Variants in WASF1 observed in about 807,000 individuals in gnomAD.
WASF1 encodes the protein WASP family member 1.
A neutral mutation model predicts 50.5 loss-of-function variants in WASF1; 7 were observed. The ratio of observed to expected loss-of-function variants is 0.14; its 90% confidence interval spans 0.08 to 0.26. The LOEUF is 0.26. Among genes scored for constraint, WASF1 ranks in the 10% least tolerant of loss-of-function variants. The probability of loss-of-function intolerance (pLI) is 1.00; values close to 1 mark genes in which losing one functional copy is unlikely to be tolerated. For synonymous variants in WASF1, 205 were observed against 244.0 expected, an observed-to-expected ratio of 0.84 and a Z score of 1.49; for missense variants, 470 against 694.7, an observed-to-expected ratio of 0.68 and a Z score of 3.64.
At chr6:110,128,215 C>G (rs1466826785) in intron 3 of WASF1, among the ~76,000 whole-genome samples, 2 of 152,088 alleles carry the variant, frequency 1.3e-5, no homozygotes, top group Non-Finnish European at 2.9e-5. Flanking sequence ...ACTAGAATAT[C>G]AACATTATAC....
intron 2 of WASF1, among the ~76,000 whole-genome samples, chr6:110,174,977 A>C (rs910006541): frequency 2.0e-5 from 3 of 152,124 alleles, no homozygotes; most frequent in African/African-American, 7.2e-5. Context: ...GCAAAACAAA[A>C]CAACCAAACG....
intron 3 of WASF1, among the ~76,000 whole-genome samples, chr6:110,128,226 A>G (rs1774501342): frequency 6.6e-6 from 1 of 152,208 alleles, no homozygotes; most frequent in South Asian, 2.1e-4. Context: ...AACATTATAC[A>G]AAACGTTTTT....
At chr6:110,134,488 G>A (rs187779645) in intron 3 of WASF1, among the ~76,000 whole-genome samples, 92 of 150,914 alleles carry the variant, frequency 6.1e-4, no homozygotes, top group African/African-American at 1.9e-3. Context: ...GCGGTGGCAC[G>A]ATCTCAGCTC....
chr6:110,142,597 G>T (rs1389417625), intron 3 of WASF1, among the ~76,000 whole-genome samples: 1 of 151,570 alleles, frequency 6.6e-6, no homozygotes, highest in South Asian at 2.1e-4. Context: ...CTTTTTCATG[G>T]GATCCTTTGT....
At chr6:110,147,164 G>A (rs558924108) in intron 3 of WASF1, among the ~76,000 whole-genome samples, 14 of 152,008 alleles carry the variant, frequency 9.2e-5, no homozygotes, top group African/African-American at 2.9e-4. Flanking sequence ...TGGCTAACAC[G>A]GTGAAACCCC....
intron 3 of WASF1, among the ~76,000 whole-genome samples, chr6:110,133,722 G>A (rs1255890143): frequency 1.3e-5 from 2 of 151,232 alleles, no homozygotes; most frequent in East Asian, 3.9e-4. Context: ...ACTACTTTCT[G>A]ATGGGATTTT....
chr6:110,124,245 T>TCC (rs1562170338), intron 4 of WASF1, among the ~76,000 whole-genome samples: 21 of 39,460 alleles, frequency 5.3e-4, no homozygotes, highest in East Asian at 3.8e-3. Context: ...CCTCTCTCTC[T>TCC]CTCTCTCTCT....
chr6:110,125,902 C>A (rs1284159922), intron 4 of WASF1, among the ~76,000 whole-genome samples: 2 of 152,052 alleles, frequency 1.3e-5, no homozygotes, highest in Non-Finnish European at 2.9e-5. Flanking sequence ...CTTAAAAATT[C>A]CTTAAATTTT....
chr6:110,147,824 G>A (rs1256996976), intron 3 of WASF1, among the ~76,000 whole-genome samples: 1 of 152,140 alleles, frequency 6.6e-6, no homozygotes, highest in Non-Finnish European at 1.5e-5. Context: ...ACAACTCACT[G>A]CAGCTTCAAC....
chr6:110,120,797 C>T (rs1774077735), intron 4 of WASF1, among the ~76,000 whole-genome samples: 1 of 152,168 alleles, frequency 6.6e-6, no homozygotes, highest in African/African-American at 2.4e-5. Context: ...CACTACAAGG[C>T]TACAGTAACC....
rs1000675179 is a variant in WASF1, at chr6:110,179,533, C to T, written c.-366G>A. 1 of 152,136 alleles carries T rather than the reference C, an allele frequency of 6.6e-6. No individual in the cohort carries two copies. The highest frequency in any genetic ancestry group is 2.4e-5 in the African/African-American group (1 of 41,430). 9.4% of individuals were successfully genotyped at this position (152,136 alleles called of 1,614,324 possible). On this transcript the variant is annotated 5_prime_UTR_variant, in exon 1 of 11. Transcript: ENST00000392589. ...CTCGCGGGACTCCGCCTAGAGCCCC[C>T]AGGAGGGTCGGGCTCTGGGGCGGAA...
rs1296750864 is a variant in WASF1 at position 110,101,781 on chromosome 6, G to A, written c.1329C>T (p.Val443=). The change falls in exon 10 of 11, where the codon GTC becomes GTT. Residue 443 remains valine (V), a synonymous_variant. Coordinates refer to ENST00000392589, the MANE Select transcript of WASF1 (RefSeq NM_003931.3). The part of the protein sequence containing the change: ...PPPGIRPSSP[V]TVTALAHPPS... Reference sequence around the variant, plus strand: ...GAGGATGAGCAAGAGCTGTAACTGTGACAGGTGATGATGGTCGAATGCCAG... The same window carrying A: ...GAGGATGAGCAAGAGCTGTAACTGTAACAGGTGATGATGGTCGAATGCCAG... The A allele has an allele frequency of 1.2e-6, 2 of 1,614,128 alleles. No homozygotes were observed. Among genetic ancestry groups the A allele is most frequent in the South Asian group, 2.2e-5 (2 of 91,084 alleles).
chr6:110,148,676 T>C (rs1301717074), intron 3 of WASF1, among the ~76,000 whole-genome samples: 1 of 151,868 alleles, frequency 6.6e-6, no homozygotes, highest in Non-Finnish European at 1.5e-5. Flanking sequence ...CCTTGAAGGG[T>C]TTTAAGCAAA....
At chr6:110,132,054 C>T (rs1178860942) in intron 3 of WASF1, among the ~76,000 whole-genome samples, 3 of 152,058 alleles carry the variant, frequency 2.0e-5, no homozygotes, top group Non-Finnish European at 2.9e-5. Context: ...CCAACTACTT[C>T]AGGATTTTTA....
intron 2 of WASF1, among the ~76,000 whole-genome samples, chr6:110,161,060 CT>C (rs1776243715): frequency 6.6e-6 from 1 of 151,412 alleles, no homozygotes; most frequent in East Asian, 1.9e-4. Flanking sequence ...ACTGGAAAAT[CT>C]TTAGCTGTTA....
intron 2 of WASF1, among the ~76,000 whole-genome samples, chr6:110,166,019 G>T (rs1168376820): frequency 6.6e-6 from 1 of 151,578 alleles, no homozygotes; most frequent in African/African-American, 2.4e-5. Flanking sequence ...AATGCAGTAG[G>T]GCAAAGTTAT....
intron 3 of WASF1, among the ~76,000 whole-genome samples, chr6:110,149,203 T>C (rs1307512719): frequency 6.6e-6 from 1 of 152,094 alleles, no homozygotes; most frequent in Admixed American, 6.6e-5. Flanking sequence ...TTCCTTTTTT[T>C]CCCCCTTTCA....
chr6:110,178,046 A>AAGTAAT, intron 2 of WASF1, among the ~76,000 whole-genome samples: 1 of 152,122 alleles, frequency 6.6e-6, no homozygotes, highest in East Asian at 1.9e-4. Context: ...ATTCTAAAAC[A>AAGTAAT]AGTAATTAAA....
intron 4 of WASF1, among the ~76,000 whole-genome samples, chr6:110,124,526 G>T (rs1774336891): frequency 6.6e-6 from 1 of 151,550 alleles, no homozygotes; most frequent in South Asian, 2.1e-4. Flanking sequence ...ATGAGAAAGA[G>T]GAAATTGATA....
Sources: allele counts gnomAD v4.1 joint callset (sites outside exome capture counted in the v4.1 genomes callset), GRCh38; gene constraint gnomAD v4.1.1; transcripts MANE v1.5; gene names NCBI Gene and HGNC (gene_info 2026-07-23, HGNC 2026-07-21).